CSMD1: variants seen among roughly 807,000 people sequenced by gnomAD.
The protein encoded by CSMD1 is CUB and Sushi multiple domains 1.
Under a neutral mutation model 417.5 loss-of-function variants are expected in CSMD1, and 213 were observed. The observed-to-expected ratio is 0.51, with a 90% CI of 0.46 to 0.57. CSMD1 has a LOEUF of 0.57. Ranked by LOEUF, CSMD1 falls within the 20% of genes least tolerant of loss-of-function variation. The probability of loss-of-function intolerance (pLI) is 0.00; values close to 1 mark genes in which losing one functional copy is unlikely to be tolerated. For missense variants in CSMD1, 6,923 were observed against 4,529.7 expected (o/e 1.53, Z -15.17); for synonymous variants, 2,862 against 1,736.8 (o/e 1.65, Z -16.11).
At chr8:3,419,315 A>T (rs546619823) in intron 12 of CSMD1, among the ~76,000 whole-genome samples, 1 of 152,328 alleles carries the variant, frequency 6.6e-6, no homozygotes, top group Non-Finnish European at 1.5e-5. Flanking sequence ...CAAAAATAAA[A>T]CTAACTCCAC....
At chr8:4,870,580 C>G (rs1410734650) in intron 1 of CSMD1, among the ~76,000 whole-genome samples, 1 of 152,060 alleles carries the variant, frequency 6.6e-6, no homozygotes, top group East Asian at 1.9e-4. Flanking sequence ...TCTCTAGAAT[C>G]AGAGCAGGAG....
At chr8:4,413,972 A>C (rs946401056) in intron 3 of CSMD1, among the ~76,000 whole-genome samples, 2 of 152,178 alleles carry the variant, frequency 1.3e-5, no homozygotes, top group Admixed American at 1.3e-4. Context: ...TTATAAATCT[A>C]CAACAATGTT....
intron 49 of CSMD1, among the ~76,000 whole-genome samples, chr8:3,072,560 T>C (rs1372425151): frequency 6.6e-6 from 1 of 152,174 alleles, no homozygotes; most frequent in Non-Finnish European, 1.5e-5. Flanking sequence ...GCGTAGGTGT[T>C]TATGTGCATG....
chr8:3,589,379 G>GT (rs1554479722), intron 8 of CSMD1, among the ~76,000 whole-genome samples: 3 of 149,946 alleles, frequency 2.0e-5, no homozygotes, highest in African/African-American at 2.4e-5. Context: ...AAGAAAATGT[G>GT]GTGTGTGTGT....
In CSMD1 at chr8:4,725,723, C is replaced by A. The variant is rs368591835; in HGVS notation, c.86-88165G>T. On this transcript the variant is annotated intron_variant, in intron 1 of 69. Transcript: ENST00000635120. ...GAAAATCCCCATTTATCTCAGATAACAGAGAAACAATTTGCTGTGCTTATT... is the reference window on the plus strand; with the variant it reads ...GAAAATCCCCATTTATCTCAGATAAAAGAGAAACAATTTGCTGTGCTTATT... Among the ~76,000 whole-genome samples, 16 of 152,244 alleles carry A rather than the reference C, an allele frequency of 1.1e-4. No individual in the cohort carries two copies. The East Asian group carries it at 2.9e-3, about 28-fold the overall frequency.
intron 3 of CSMD1, among the ~76,000 whole-genome samples, chr8:4,356,046 C>A (rs902945682): frequency 3.9e-5 from 6 of 152,106 alleles, no homozygotes; most frequent in Non-Finnish European, 7.4e-5. Flanking sequence ...GATCCTGGTG[C>A]ACTCATCACC....
chr8:4,704,559 T>G (rs893636041), intron 1 of CSMD1, among the ~76,000 whole-genome samples: 1 of 152,196 alleles, frequency 6.6e-6, no homozygotes, highest in African/African-American at 2.4e-5. Context: ...TGCTTTTGAT[T>G]ACAGAACATT....
At chr8:4,238,411 T>TAC (rs1260829692) in intron 3 of CSMD1, among the ~76,000 whole-genome samples, 1 of 152,148 alleles carries the variant, frequency 6.6e-6, no homozygotes, top group Non-Finnish European at 1.5e-5. Context: ...ACACATGGTA[T>TAC]ACCCTAGAGT....
chr8:3,115,346 T>C (rs536553092), intron 42 of CSMD1, among the ~76,000 whole-genome samples: 4 of 152,080 alleles, frequency 2.6e-5, no homozygotes, highest in South Asian at 2.1e-4. Flanking sequence ...GGATTACAGG[T>C]GCCTGCCACC....
intron 6 of CSMD1, among the ~76,000 whole-genome samples, chr8:3,724,024 C>G (rs550809723): frequency 1.9e-5 from 1 of 52,680 alleles, no homozygotes; most frequent in East Asian, 3.7e-4. Flanking sequence ...ATACGCCTCT[C>G]TTTTTCAACT....
At chr8:3,803,700 G>A (rs1464987040) in intron 5 of CSMD1, among the ~76,000 whole-genome samples, 1 of 152,208 alleles carries the variant, frequency 6.6e-6, no homozygotes, top group East Asian at 1.9e-4. Flanking sequence ...TCAGAATTAG[G>A]AGTTTGGATT....
intron 2 of CSMD1, among the ~76,000 whole-genome samples, chr8:4,522,419 A>G (rs930341972): frequency 1.3e-5 from 2 of 152,206 alleles, no homozygotes; most frequent in African/African-American, 4.8e-5. Flanking sequence ...TATGTATCAG[A>G]AAGTTCATTA....
chr8:3,693,798 G>C (rs55766793), intron 7 of CSMD1, among the ~76,000 whole-genome samples: 48,921 of 150,966 alleles, frequency 0.32, 9,069 homozygotes, highest in Admixed American at 0.48. Context: ...TGTTGGCGTC[G>C]TGTGTGTGTG....
Position 4,704,550 on chromosome 8 carries a change from G to GTATAATGA in CSMD1, c.86-66993_86-66992insTCATTATA, listed in dbSNP as rs557328880. On this transcript the variant is annotated intron_variant, in intron 1 of 69. Transcript: ENST00000635120. ...CAGTGCCATTATACAGAAATTGACT[G>GTATAATGA]CTTTTGATTACAGAACATTTTCAAC... Among the ~76,000 whole-genome samples the GTATAATGA allele has an allele frequency of 5.9e-5, 9 of 152,296 alleles. No homozygotes were observed. The East Asian group carries it at 1.7e-3, about 29-fold the overall frequency.
At chr8:3,124,947 T>C (rs1267915366) in intron 41 of CSMD1, among the ~76,000 whole-genome samples, 1 of 152,236 alleles carries the variant, frequency 6.6e-6, no homozygotes, top group Non-Finnish European at 1.5e-5. Flanking sequence ...AGTAAGAGCA[T>C]CAGTTACACT....
chr8:4,411,929 AT>A (rs1307872511), intron 3 of CSMD1, among the ~76,000 whole-genome samples: 1 of 151,996 alleles, frequency 6.6e-6, no homozygotes. Flanking sequence ...AAAAGGAATT[AT>A]TTTTAATAGT....
intron 12 of CSMD1, among the ~76,000 whole-genome samples, chr8:3,423,684 G>T (rs539548231): frequency 6.6e-6 from 1 of 152,310 alleles, no homozygotes; most frequent in African/African-American, 2.4e-5. Flanking sequence ...TATGAAGAAA[G>T]TCTTACGAAT....
intron 3 of CSMD1, among the ~76,000 whole-genome samples, chr8:4,077,804 C>G (rs575748296): frequency 2.0e-5 from 3 of 152,306 alleles, no homozygotes; most frequent in African/African-American, 7.2e-5. Context: ...TGTTCTCACT[C>G]TGTTCCATGG....
chr8:3,059,946 G>A (rs1201780326), intron 49 of CSMD1, among the ~76,000 whole-genome samples: 3 of 152,070 alleles, frequency 2.0e-5, no homozygotes, highest in Admixed American at 2.0e-4. Flanking sequence ...GGATCGTGAG[G>A]CACAGTGGGT....
Sources: gnomAD v4.1 joint callset for allele counts (sites outside exome capture counted in the v4.1 genomes callset) on GRCh38, gnomAD v4.1.1 for gene constraint, MANE v1.5 for transcripts, NCBI Gene and HGNC (gene_info 2026-07-23, HGNC 2026-07-21) for gene names.